The following TMTC2 variants were observed in gnomAD, a reference collection of about 807,000 sequenced individuals.
TMTC2 encodes the protein protein O-mannosyl-transferase TMTC2.
TMTC2 carries 43 observed loss-of-function variants against 82.4 expected under a neutral mutation model. That is an observed-to-expected ratio of 0.52 (90% confidence interval 0.41 to 0.67). TMTC2 has a LOEUF of 0.67. Among genes scored for constraint, TMTC2 ranks in the 30% least tolerant of loss-of-function variants. The pLI, the probability that TMTC2 is intolerant of heterozygous loss-of-function variation, is 0.00. For synonymous variants in TMTC2, 408 were observed against 381.9 expected (o/e 1.07, Z -0.80); for missense variants, 919 against 1,012.4 (o/e 0.91, Z 1.25).
chr12:83,032,544 T>A (rs7308597), intron 9 of TMTC2, among the ~76,000 whole-genome samples: 16,894 of 150,018 alleles, frequency 0.11, 1,515 homozygotes, highest in East Asian at 0.29. Flanking sequence ...ACAAAAAAAA[T>A]TTTTTTTTTA....
intron 11 of TMTC2, among the ~76,000 whole-genome samples, chr12:83,083,938 T>G (rs1187842440): frequency 2.0e-5 from 3 of 152,228 alleles, no homozygotes; most frequent in African/African-American, 4.8e-5. Flanking sequence ...TAAGAGACTT[T>G]CAAAGATAAT....
chr12:83,063,483 A>G (rs1272714934), intron 11 of TMTC2, among the ~76,000 whole-genome samples: 1 of 151,888 alleles, frequency 6.6e-6, no homozygotes, highest in African/African-American at 2.4e-5. Context: ...ACTTATTATT[A>G]TGTGCTAAGC....
At chr12:82,965,443 T>A (rs552032213) in intron 5 of TMTC2, 117 bp from the exon 6 acceptor site, 3 of 1,062,770 alleles carry the variant, frequency 2.8e-6, no homozygotes, top group Non-Finnish European at 4.0e-6. Context: ...GTCATAAGTA[T>A]TTTTTTCTTT....
chr12:83,090,893 C>T (rs1283772056), intron 11 of TMTC2, among the ~76,000 whole-genome samples: 1 of 152,134 alleles, frequency 6.6e-6, no homozygotes, highest in African/African-American at 2.4e-5. Flanking sequence ...AACGAGATAG[C>T]CCGGGGCCTT....
At chr12:82,705,034 C>T (rs200381050) in intron 1 of TMTC2, among the ~76,000 whole-genome samples, 3 of 152,146 alleles carry the variant, frequency 2.0e-5, no homozygotes, top group East Asian at 1.9e-4. Context: ...TAATGGCATT[C>T]GCAGTGACCT....
At chr12:82,868,888 A>G in intron 2 of TMTC2, among the ~76,000 whole-genome samples, 1 of 152,002 alleles carries the variant, frequency 6.6e-6, no homozygotes, top group East Asian at 1.9e-4. Context: ...CACCTCCTGG[A>G]GCGACAACAG....
At position 83,132,413 on chromosome 12, in the gene TMTC2, C is replaced by T. The variant is rs773943536; in HGVS notation, c.*24C>T. On this transcript the variant is annotated 3_prime_UTR_variant, in exon 12 of 12. Coordinates refer to ENST00000321196, the MANE Select transcript of TMTC2 (RefSeq NM_152588.3). Reference sequence around the variant, plus strand: ...GACACAGGAGGCAGAAGCCCATCCTCCTCCATTTTTAAAAGCTGGCTTCCT... The same window carrying T: ...GACACAGGAGGCAGAAGCCCATCCTTCTCCATTTTTAAAAGCTGGCTTCCT... The T allele has an allele frequency of 6.2e-7, 1 of 1,609,668 alleles. No homozygotes were observed. Among genetic ancestry groups the T allele is most frequent in the Admixed American group, 1.7e-5 (1 of 58,824 alleles).
intron 1 of TMTC2, among the ~76,000 whole-genome samples, chr12:82,796,108 TCCC>T (rs1312310184): frequency 6.6e-6 from 1 of 152,092 alleles, no homozygotes. Flanking sequence ...ATGAGCGGCC[TCCC>T]ATGGGCCTTT....
intron 1 of TMTC2, among the ~76,000 whole-genome samples, chr12:82,854,809 T>G (rs962345966): frequency 6.6e-6 from 1 of 152,168 alleles, no homozygotes; most frequent in African/African-American, 2.4e-5. Flanking sequence ...ATTATATGGA[T>G]TAGCATGGTA....
intron 8 of TMTC2, among the ~76,000 whole-genome samples, chr12:83,016,057 G>A (rs994213503): frequency 6.6e-6 from 1 of 152,172 alleles, no homozygotes; most frequent in Non-Finnish European, 1.5e-5. Flanking sequence ...GAAAATTATT[G>A]TTCGCAGAAG....
At chr12:82,780,993 A>G (rs1877876977) in intron 1 of TMTC2, among the ~76,000 whole-genome samples, 1 of 152,050 alleles carries the variant, frequency 6.6e-6, no homozygotes, top group Admixed American at 6.6e-5. Flanking sequence ...TGAGTTTTCT[A>G]AACTACAGTT....
At chr12:82,937,766 A>G (rs868128220) in intron 4 of TMTC2, among the ~76,000 whole-genome samples, 984 of 20,678 alleles carry the variant, frequency 0.048, 35 homozygotes, top group African/African-American at 0.14. Context: ...ATATATATAT[A>G]TATATATATA....
chr12:82,857,503 C>G lies in TMTC2; in HGVS notation c.577C>G (p.Leu193Val), dbSNP rs771854926. 1 of 1,614,174 alleles carries G rather than the reference C, an allele frequency of 6.2e-7. No homozygotes were observed. Among genetic ancestry groups the G allele is most frequent in the Non-Finnish European group, 8.5e-7 (1 of 1,180,028 alleles). ...GTGGAAGGAACAAGGAGTGACTGTT[C>G]TCGCAGTTTCAGCAGTTTATGATGT... ...MLWKEQGVTV[L>V]AVSAVYDVFV... The change falls in exon 2 of 12, where the codon CTC (leucine) becomes GTC (valine). Residue 193 changes from leucine to valine, a missense_variant. By Grantham distance (32) the Leu-to-Val change is conservative. Transcript: ENST00000321196.
Position 83,102,658 on chromosome 12 carries a change from C to T in TMTC2, c.2332-29552C>T, listed in dbSNP as rs544428898. Reference sequence around the variant, plus strand: ...GTGGAGTATTTCCAACCGTGGATAGCATTCCAGAAGGATGTCAAAGTGCTT... The same window carrying T: ...GTGGAGTATTTCCAACCGTGGATAGTATTCCAGAAGGATGTCAAAGTGCTT... On this transcript the variant is annotated intron_variant, in intron 11 of 11. Coordinates refer to ENST00000321196, the MANE Select transcript of TMTC2 (RefSeq NM_152588.3). Among the ~76,000 whole-genome samples, 6 of 152,312 alleles carry T rather than the reference C, an allele frequency of 3.9e-5. 1 individual carries two copies. The highest frequency in any genetic ancestry group is 1.4e-4 in the African/African-American group (6 of 41,578).
At chr12:83,043,542 C>T (rs74743379) in intron 9 of TMTC2, among the ~76,000 whole-genome samples, 3,885 of 152,242 alleles carry the variant, frequency 0.026, 158 homozygotes, top group African/African-American at 0.089. Context: ...TTTCATGATC[C>T]AGCTGCTGGT....
At chr12:82,693,338 G>T (rs1592852028) in intron 1 of TMTC2, among the ~76,000 whole-genome samples, 1 of 152,152 alleles carries the variant, frequency 6.6e-6, no homozygotes, top group African/African-American at 2.4e-5. Flanking sequence ...TTCATGATTG[G>T]TACTTTGGCC....
intron 11 of TMTC2, among the ~76,000 whole-genome samples, chr12:83,114,180 T>C (rs1565893061): frequency 1.3e-5 from 2 of 152,098 alleles, no homozygotes; most frequent in African/African-American, 2.4e-5. Flanking sequence ...TGATGGTATT[T>C]GGAGGTGGGG....
At chr12:82,700,807 C>T (rs1014550321) in intron 1 of TMTC2, among the ~76,000 whole-genome samples, 1 of 152,092 alleles carries the variant, frequency 6.6e-6, no homozygotes, top group Admixed American at 6.6e-5. Flanking sequence ...ACAGAAATAC[C>T]TGAAACTGAG....
At chr12:82,898,994 A>C (rs1873823699) in intron 3 of TMTC2, among the ~76,000 whole-genome samples, 1 of 152,236 alleles carries the variant, frequency 6.6e-6, no homozygotes. Flanking sequence ...GATTCTAAAT[A>C]AGATATTTTG....
Sources: allele counts gnomAD v4.1 joint callset (sites outside exome capture counted in the v4.1 genomes callset), GRCh38; gene constraint gnomAD v4.1.1; transcripts MANE v1.5; gene names NCBI Gene and HGNC (gene_info 2026-07-23, HGNC 2026-07-21).